CHD8: variants seen among roughly 807,000 people sequenced by gnomAD.
CHD8 encodes chromodomain helicase DNA binding protein 8.
A neutral mutation model predicts 279.2 loss-of-function variants in CHD8; 31 were observed. That is an observed-to-expected ratio of 0.11 (90% confidence interval 0.08 to 0.15). CHD8 has a LOEUF of 0.15. CHD8 is among the 10% of genes least tolerant of loss of function. The probability of loss-of-function intolerance (pLI) is 1.00; values close to 1 mark genes in which losing one functional copy is unlikely to be tolerated. For synonymous variants in CHD8, 1,081 were observed against 1,139.6 expected (o/e 0.95, Z 1.04); for missense variants, 2,146 against 3,230.5 (o/e 0.66, Z 8.14).
intron 1 of CHD8, 35 bp downstream of exon 1, chr14:21,455,997 C>G (rs1311696306): frequency 6.6e-6 from 1 of 152,604 alleles, no homozygotes; most frequent in African/African-American, 2.4e-5. Context: ...ACTCCTGGCC[C>G]AGCACTGAGG....
chr14:21,394,419 A>C lies in CHD8; in HGVS notation c.5457T>G (p.Pro1819=), dbSNP rs765360230. The change falls in exon 31 of 38, where the codon CCT becomes CCG. Residue 1819 remains proline, a synonymous_variant. Coordinates refer to ENST00000646647, the MANE Select transcript of CHD8 (RefSeq NM_001170629.2). The part of the protein sequence containing the change: ...VVSTFGVEYD[P]DTMQFHWDRF... ...GATCCCAATGGAACTGCATGGTGTCAGGGTCATATTCCACACCAAACGTAG... is the reference window on the plus strand; with the variant it reads ...GATCCCAATGGAACTGCATGGTGTCCGGGTCATATTCCACACCAAACGTAG... 1 of 1,613,740 alleles carries C rather than the reference A, an allele frequency of 6.2e-7. No homozygotes were observed. The highest frequency in any genetic ancestry group is 8.5e-7 in the Non-Finnish European group (1 of 1,179,730).
chr14:21,437,496 T>G (rs2139556394), intron 1 of CHD8, among the ~76,000 whole-genome samples: 1 of 151,162 alleles, frequency 6.6e-6, no homozygotes. Flanking sequence ...AGGAACAGTC[T>G]CATAGTACGC....
rs1887177101 is a variant in CHD8 at position 21,385,340 on chromosome 14, A to T, written c.*273T>A. 1.0e-5 allele frequency: 5 copies of T among 482,104 alleles called. No homozygotes were observed. In the South Asian group the frequency reaches 1.5e-4, roughly 15 times the overall value. 29.9% of individuals were successfully genotyped at this position (482,104 alleles called of 1,614,324 possible). On this transcript the variant is annotated 3_prime_UTR_variant, in exon 38 of 38. Transcript: ENST00000646647. ...ACATAGTCTGTGGTTAATGGAGGTG[A>T]CTAGGGAGGGGTGAGCACACCAGCT...
chr14:21,392,108 TAC>T, intron 34 of CHD8, 162 bp from the exon 35 acceptor site: 1 of 763,128 alleles, frequency 1.3e-6, no homozygotes, highest in Non-Finnish European at 2.4e-6. Context: ...CAAGAAAACA[TAC>T]ACACTTTTTC....
At chr14:21,399,018 G>A (rs528581411) in intron 26 of CHD8, 34 of 404,764 alleles carry the variant, frequency 8.4e-5, no homozygotes, top group Admixed American at 8.1e-4. Context: ...CAAGATCCAC[G>A]ACAAGGAGGG....
intron 9 of CHD8, 106 bp downstream of exon 9, chr14:21,414,195 A>G (rs1888624194): frequency 1.5e-6 from 1 of 682,144 alleles, no homozygotes; most frequent in African/African-American, 1.8e-5. Context: ...TTACACCCAT[A>G]TATAGAAACC....
intron 5 of CHD8, chr14:21,419,821 G>T: frequency 5.3e-6 from 2 of 378,488 alleles, no homozygotes; most frequent in South Asian, 2.3e-5. Flanking sequence ...ACATCCCCGA[G>T]GGATCTGCCC....
intron 1 of CHD8, chr14:21,437,048 A>AG: frequency 2.2e-6 from 1 of 464,448 alleles, no homozygotes; most frequent in Non-Finnish European, 3.4e-6. Context: ...GGGATGGCCA[A>AG]GACGGGAAGA....
At position 21,394,424 on chromosome 14, in the gene CHD8, C is replaced by T; in HGVS notation, c.5452G>A (p.Asp1818Asn). ...CAATGGAACTGCATGGTGTCAGGGT[C>T]ATATTCCACACCAAACGTAGACACC... ...RVVSTFGVEY[D>N]PDTMQFHWDR... is the part of the protein sequence containing the mutation. Residue 1818 changes from aspartate to asparagine, a missense_variant, in exon 31 of 38, where the codon GAC becomes AAC. Asp to Asn is a conservative substitution (Grantham distance 23). Around this residue, in one of 26 missense-constraint regions of CHD8, gnomAD observed 513 missense variants for 637.6 expected, o/e 0.80. Transcript: ENST00000646647. The T allele has an allele frequency of 6.2e-7, 1 of 1,613,498 alleles. No homozygotes were observed. Among genetic ancestry groups the T allele is most frequent in the African/African-American group, 1.3e-5 (1 of 74,992 alleles).
At chr14:21,413,783 T>G (rs1034746249) in intron 9 of CHD8, 5 of 153,616 alleles carry the variant, frequency 3.3e-5, no homozygotes, top group African/African-American at 1.2e-4. Flanking sequence ...CTTTTTCTTC[T>G]ACTTGCAACA....
intron 5 of CHD8, among the ~76,000 whole-genome samples, chr14:21,418,109 G>C (rs1261184334): frequency 6.6e-6 from 1 of 151,888 alleles, no homozygotes; most frequent in Admixed American, 6.6e-5. Flanking sequence ...ATTTAGCATA[G>C]ATGAACTATC....
rs780129107 is a variant in CHD8, at chr14:21,431,297, G to A, written c.347C>T (p.Thr116Ile). 3.8e-6 allele frequency: 6 copies of A among 1,564,078 alleles called. No homozygotes were observed. Among genetic ancestry groups the A allele is most frequent in the Admixed American group, 1.9e-5 (1 of 53,970 alleles). ...AQPVLQTSTPTSGLLQVSKSQ... is the reference protein window; with the variant it reads ...AQPVLQTSTPISGLLQVSKSQ... ...CTTGGAGACTTGCAAAAGTCCTGAT[G>A]TTGGCGTCGATGTCTGTAAGACAGG... Residue 116 changes from threonine (T) to isoleucine (I), a missense_variant, in exon 2 of 38, where the codon ACA becomes ATA. By Grantham distance (89) the Thr-to-Ile change is moderately conservative (BLOSUM62 -1). Transcript: ENST00000646647.
intron 1 of CHD8, among the ~76,000 whole-genome samples, chr14:21,438,512 T>TAAAAA (rs559681631): frequency 7.1e-5 from 8 of 112,480 alleles, no homozygotes; most frequent in South Asian, 3.1e-4. Flanking sequence ...CCTAGTCTCT[T>TAAAAA]AAAAAAAAAA....
At chr14:21,448,809 C>T (rs1890186623) in intron 1 of CHD8, among the ~76,000 whole-genome samples, 1 of 151,184 alleles carries the variant, frequency 6.6e-6, no homozygotes, top group Admixed American at 6.6e-5. Flanking sequence ...ATGATCCACC[C>T]GCCTCGCCCT....
rs767340595 is a variant in CHD8, at chr14:21,385,757, C to T, written c.7602G>A (p.Leu2534=). Residue 2534 remains leucine, a synonymous_variant, in exon 38 of 38, where the codon CTG becomes CTA. Coordinates refer to ENST00000646647, the MANE Select transcript of CHD8 (RefSeq NM_001170629.2). The part of the protein sequence containing the change: ...ASGTTLRLPP[L]QPEEDDDEDE... ...CCTCATCGTCATCCTCCTCAGGTTG[C>T]AGTGGTGGCAACCGCAAGGTAGTAC... is the stretch of plus-strand genomic sequence containing the variant. 1.8e-5 allele frequency: 28 copies of T among 1,549,632 alleles called. No individual in the cohort carries two copies. The highest frequency in any genetic ancestry group is 1.4e-5 in the African/African-American group (1 of 72,238).
Position 21,408,994 on chromosome 14 carries a change from T to C in CHD8, c.2365-169A>G, listed in dbSNP as rs1350237873. 1.3e-5 allele frequency among the ~76,000 whole-genome samples: 2 copies of C among 152,222 alleles called. No homozygotes were observed. Among genetic ancestry groups the C allele is most frequent in the East Asian group, 3.8e-4 (2 of 5,202 alleles). On this transcript the variant is annotated intron_variant, in intron 11 of 37. Transcript: ENST00000646647. This position sits in a 1 kb window ranked among gnomAD's most constrained non-coding sequence, Gnocchi z 4.3. ...ATAACGTTACTTTATGGGTCCATAA[T>C]GATCACAAATGGCTGACAACATCAC...
intron 1 of CHD8, among the ~76,000 whole-genome samples, chr14:21,432,637 A>G (rs1889611580): frequency 6.6e-6 from 1 of 152,158 alleles, no homozygotes; most frequent in African/African-American, 2.4e-5. Flanking sequence ...TTTGCTTATG[A>G]TGCTGTGCTT....
chr14:21,402,571 A>G lies in CHD8; in HGVS notation c.3715-68T>C, dbSNP rs1888084536. ...AAAATTAGCAAGGGAAAGGATACAA[A>G]ATACCAATTTATGATTCTTTCACCT... On this transcript the variant is annotated intron_variant, in intron 18 of 37. Coordinates refer to ENST00000646647, the MANE Select transcript of CHD8 (RefSeq NM_001170629.2). This position sits in a 1 kb window ranked among gnomAD's most constrained non-coding sequence, Gnocchi z 4.5. The G allele has an allele frequency of 2.1e-6, 3 of 1,414,888 alleles. No homozygotes were observed. In the East Asian group the frequency reaches 7.2e-5, roughly 34 times the overall value. 87.6% of individuals were successfully genotyped at this position (1,414,888 alleles called of 1,614,324 possible).
intron 16 of CHD8, among the ~76,000 whole-genome samples, chr14:21,404,532 T>C (rs1298422323): frequency 6.6e-6 from 1 of 151,560 alleles, no homozygotes; most frequent in Admixed American, 6.6e-5. Flanking sequence ...TGGAACACAC[T>C]ATCAGCACCC....
Sources: allele counts gnomAD v4.1 joint callset (sites outside exome capture counted in the v4.1 genomes callset), GRCh38; gene constraint gnomAD v4.1.1; regional missense constraint gnomAD v4.1.1; non-coding constraint Gnocchi (gnomAD v3.1); transcripts MANE v1.5; gene names NCBI Gene and HGNC (gene_info 2026-07-23, HGNC 2026-07-21).